ILDR2: variants seen among roughly 807,000 people sequenced by gnomAD.
The protein encoded by ILDR2 is immunoglobulin-like domain-containing receptor 2.
A neutral mutation model predicts 66.8 loss-of-function variants in ILDR2; 25 were observed. The ratio of observed to expected loss-of-function variants is 0.37; its 90% CI spans 0.27 to 0.52. The LOEUF (loss-of-function observed/expected upper bound fraction) is 0.52. Among genes scored for constraint, ILDR2 ranks in the 20% least tolerant of loss-of-function variants. The pLI, the probability that ILDR2 is intolerant of heterozygous loss-of-function variation, is 0.88. For synonymous variants in ILDR2, 367 were observed against 357.2 expected (o/e 1.03, Z -0.31); for missense variants, 827 against 876.8 (o/e 0.94, Z 0.72).
In ILDR2 at chr1:166,957,643, TA is replaced by T. The variant is rs531480570; in HGVS notation, c.379+125del. The T allele has an allele frequency of 9.9e-4, 787 of 793,060 alleles. 1 individual carries two copies. Among genetic ancestry groups the T allele is most frequent in the Non-Finnish European group, 1.2e-3 (607 of 509,708 alleles). 49.1% of individuals were successfully genotyped at this position (793,060 alleles called of 1,614,324 possible). ...GGTCTCTTGATGCTCCCATTTCCAA[TA>T]AAATAAAAGTCTTGAGGGTCTGAAA... On this transcript the variant is annotated intron_variant, in intron 2 of 9. Transcript: ENST00000271417.
chr1:166,921,735 G>A lies in ILDR2; in HGVS notation c.1212-356C>T, dbSNP rs1659956966. 6.6e-6 allele frequency among the ~76,000 whole-genome samples: 1 copy of A among 152,228 alleles called. No individual in the cohort carries two copies. Among genetic ancestry groups the A allele is most frequent in the Non-Finnish European group, 1.5e-5 (1 of 68,034 alleles). Reference sequence around the variant, plus strand: ...ACCCTCAAAGCCAGCGCAGGTGTCAGTACACACAGTTATGGTCCCAGGAGT... The same window carrying A: ...ACCCTCAAAGCCAGCGCAGGTGTCAATACACACAGTTATGGTCCCAGGAGT... On this transcript the variant is annotated intron_variant, in intron 8 of 9. Transcript: ENST00000271417. This position sits in a 1 kb window ranked among gnomAD's most constrained non-coding sequence, Gnocchi z 5.3.
chr1:166,921,387 C>T lies in ILDR2; in HGVS notation c.1212-8G>A. The T allele has an allele frequency of 6.4e-7, 1 of 1,552,772 alleles. No homozygotes were observed. The highest frequency in any genetic ancestry group is 1.2e-5 in the South Asian group (1 of 83,130). ...GACTTGGAGCGCGGCTGGCTGCGGG[C>T]AGAGAAGGAGGGGGTCAGACGGCCG... On this transcript the variant is annotated splice_region_variant and splice_polypyrimidine_tract_variant and intron_variant, in intron 8 of 9. Transcript: ENST00000271417. The surrounding 1 kb of genome is among the most constrained non-coding windows in gnomAD (Gnocchi z 5.3).
downstream of ILDR2, among the ~76,000 whole-genome samples, chr1:166,906,830 T>A (rs1295588879): frequency 6.6e-6 from 1 of 152,212 alleles, no homozygotes; most frequent in African/African-American, 2.4e-5. Flanking sequence ...TGGCTGTATG[T>A]GAGAGTTCAG....
chr1:166,942,773 CAAT>C (rs1330466793), intron 3 of ILDR2, among the ~76,000 whole-genome samples: 1 of 152,124 alleles, frequency 6.6e-6, no homozygotes, highest in Non-Finnish European at 1.5e-5. Flanking sequence ...AAATTGGAAA[CAAT>C]AGTATTATGC....
chr1:166,950,758 C>CACACACAT (rs397688854), intron 3 of ILDR2, among the ~76,000 whole-genome samples: 4 of 151,476 alleles, frequency 2.6e-5, no homozygotes, highest in African/African-American at 9.7e-5. Context: ...CACACACACA[C>CACACACAT]GCCTACCCAT....
chr1:166,925,283 A>G (rs986887009), intron 7 of ILDR2, among the ~76,000 whole-genome samples: 2 of 152,200 alleles, frequency 1.3e-5, no homozygotes, highest in African/African-American at 4.8e-5. Flanking sequence ...GATCCAGCCC[A>G]TGGTTTACTA....
In ILDR2 at chr1:166,920,824, G is replaced by T; in HGVS notation, c.1767C>A (p.Asp589Glu). The T allele has an allele frequency of 6.6e-7, 1 of 1,520,632 alleles. No homozygotes were observed. The highest frequency in any genetic ancestry group is 2.0e-5 in the Admixed American group (1 of 49,062). The allele number at this position is 1,520,632 out of a possible 1,614,324, so 94.2% of individuals were successfully genotyped here. The part of the protein sequence containing the change: ...SQDDQEDASD[D>E]ALPPYSELEL... ...CCAGCTCGCTGTAGGGCGGCAGCGCGTCGTCGGACGCGTCCTCCTGGTCGT... is the reference window on the plus strand; with the variant it reads ...CCAGCTCGCTGTAGGGCGGCAGCGCTTCGTCGGACGCGTCCTCCTGGTCGT... The change falls in exon 9 of 10, where the codon GAC becomes GAA. Residue 589 changes from aspartate (D) to glutamate (E), a missense_variant. By Grantham distance (45) the Asp-to-Glu change is conservative. Around this residue, in one of 2 missense-constraint regions of ILDR2, gnomAD observed 390 missense variants for 353.6 expected, o/e 1.10. Transcript: ENST00000271417.
chr1:166,920,597 G>A (rs997039085), intron 9 of ILDR2, 110 bp downstream of exon 9: 2 of 1,234,996 alleles, frequency 1.6e-6, no homozygotes, highest in Non-Finnish European at 2.1e-6. Flanking sequence ...TCTCCGGCAA[G>A]GACCCTCCCG....
rs897425366 is a variant in ILDR2, at chr1:166,921,191, C to G, written c.1400G>C (p.Gly467Ala). ...CTCCAAGGAGTCGTCCTGGTAGAAG[C>G]CGCTGTGCGCCCGCGACTCCGAGCG... ...FERSESRAHSGFYQDDSLEEY... is the reference protein window; with the variant it reads ...FERSESRAHSAFYQDDSLEEY... The change falls in exon 9 of 10, where the codon GGC becomes GCC. Residue 467 changes from glycine to alanine, a missense_variant. By Grantham distance (60) the Gly-to-Ala change is moderately conservative. Transcript: ENST00000271417. This position sits in a 1 kb window ranked among gnomAD's most constrained non-coding sequence, Gnocchi z 5.3. 1.3e-6 allele frequency: 2 copies of G among 1,573,376 alleles called. No homozygotes were observed. Among genetic ancestry groups the G allele is most frequent in the Non-Finnish European group, 1.7e-6 (2 of 1,166,986 alleles).
At chr1:166,959,028 G>A (rs1224518473) in intron 1 of ILDR2, among the ~76,000 whole-genome samples, 1 of 152,140 alleles carries the variant, frequency 6.6e-6, no homozygotes, top group African/African-American at 2.4e-5. Context: ...TGAGCACCAA[G>A]CTCCAAGAAT....
At chr1:166,900,705 TG>T (rs1222403526) in intron 2 of ILDR2, among the ~76,000 whole-genome samples, 1 of 152,182 alleles carries the variant, frequency 6.6e-6, no homozygotes, top group Admixed American at 6.5e-5. Flanking sequence ...ACTCCTGTAC[TG>T]GTGTGAGAAA....
chr1:166,901,397 T>G (rs924384646), intron 2 of ILDR2, among the ~76,000 whole-genome samples: 1 of 152,216 alleles, frequency 6.6e-6, no homozygotes, highest in South Asian at 2.1e-4. Context: ...GAACAGCTTT[T>G]GAACAAGTTC....
At position 166,910,359 on chromosome 1, in the gene ILDR2, A is replaced by G. The variant is rs1406699300; in HGVS notation, c.*8996T>C. ...AAGTTCTAAACTTGCAAAGTGTAAG[A>G]AAAACATATCACTTTTAAAGAAAAA... On this transcript the variant is annotated 3_prime_UTR_variant, in exon 10 of 10. Transcript: ENST00000271417. 1 of 152,226 alleles carries G rather than the reference A, an allele frequency of 6.6e-6. No individual in the cohort carries two copies. Among genetic ancestry groups the G allele is most frequent in the African/African-American group, 2.4e-5 (1 of 41,466 alleles). 9.4% of individuals were successfully genotyped at this position (152,226 alleles called of 1,614,324 possible). A position where few individuals can be genotyped will look rare whatever the true frequency, so the allele number is the denominator to read the frequency against.
chr1:166,943,316 C>T (rs1453445055), intron 3 of ILDR2, among the ~76,000 whole-genome samples: 1 of 151,880 alleles, frequency 6.6e-6, no homozygotes, highest in Non-Finnish European at 1.5e-5. Flanking sequence ...CACAGTGAAA[C>T]CCCGTCTCTA....
downstream of ILDR2, among the ~76,000 whole-genome samples, chr1:166,905,375 T>C (rs1659328892): frequency 6.6e-6 from 1 of 152,236 alleles, no homozygotes; most frequent in Non-Finnish European, 1.5e-5. Context: ...CAGCATTTGG[T>C]ATGCACTGAA....
In ILDR2 at chr1:166,916,058, G is replaced by C. The variant is rs1659631478; in HGVS notation, c.*3297C>G. 1 of 152,324 alleles carries C rather than the reference G, an allele frequency of 6.6e-6. No homozygotes were observed. Among genetic ancestry groups the C allele is most frequent in the Non-Finnish European group, 1.5e-5 (1 of 68,174 alleles). The allele number at this position is 152,324 out of a possible 1,614,324, so 9.4% of individuals were successfully genotyped here. On this transcript the variant is annotated 3_prime_UTR_variant, in exon 10 of 10. Coordinates refer to ENST00000271417, the MANE Select transcript of ILDR2 (RefSeq NM_199351.3). ...CTAATGAATCCATGCATGGCCTAGA[G>C]AAGCAGCTCATCTACCAGGGGACAC...
Position 166,936,116 on chromosome 1 carries a change from A to G in ILDR2, c.703+475T>C, listed in dbSNP as rs191595367. On this transcript the variant is annotated intron_variant, in intron 5 of 9. Coordinates refer to ENST00000271417, the MANE Select transcript of ILDR2 (RefSeq NM_199351.3). This position sits in a 1 kb window ranked among gnomAD's most constrained non-coding sequence, Gnocchi z 5.0. ...AATCCTCAAATAAGAACTAGGCCCT[A>G]TTGTGGCCCATGTCATCATGGGAGT... Among the ~76,000 whole-genome samples, 13 of 152,230 alleles carry G rather than the reference A, an allele frequency of 8.5e-5. No individual in the cohort carries two copies. Among genetic ancestry groups the G allele is most frequent in the African/African-American group, 2.9e-4 (12 of 41,550 alleles).
rs116373899 is a variant in ILDR2 at position 166,940,575 on chromosome 1, T to C, written c.500-1005A>G. ...CATTTAGGTACCTGACATATACCTC[T>C]AGAACAGCACCAGCCAACAGAAATA... On this transcript the variant is annotated intron_variant, in intron 3 of 9. Transcript: ENST00000271417. 5.4e-3 allele frequency among the ~76,000 whole-genome samples: 820 copies of C among 152,288 alleles called. 4 individuals are homozygous for C. Among genetic ancestry groups the C allele is most frequent in the African/African-American group, 0.019 (775 of 41,556 alleles).
At chr1:166,971,626 AT>A (rs1291079033) in intron 1 of ILDR2, among the ~76,000 whole-genome samples, 2 of 151,966 alleles carry the variant, frequency 1.3e-5, no homozygotes, top group Non-Finnish European at 2.9e-5. Flanking sequence ...TGCCCGGCTA[AT>A]TTTTTTGTAT....
Sources: allele counts gnomAD v4.1 joint callset (sites outside exome capture counted in the v4.1 genomes callset), GRCh38; gene constraint gnomAD v4.1.1; regional missense constraint gnomAD v4.1.1; non-coding constraint Gnocchi (gnomAD v3.1); transcripts MANE v1.5; gene names NCBI Gene and HGNC (gene_info 2026-07-23, HGNC 2026-07-21).